The following IPO11 variants were observed in gnomAD, a reference collection of about 807,000 sequenced individuals.
IPO11 encodes importin 11, also known as importin-11.
A neutral mutation model predicts 143.2 loss-of-function variants in IPO11; 66 were observed. The ratio of observed to expected loss-of-function variants is 0.46; its 90% CI spans 0.38 to 0.57. IPO11 has a LOEUF of 0.57. Ranked by LOEUF, IPO11 falls within the 20% of genes least tolerant of loss-of-function variation. The probability of loss-of-function intolerance (pLI) is 0.00; values close to 1 mark genes in which losing one functional copy is unlikely to be tolerated. For synonymous variants in IPO11, 385 were observed against 377.8 expected (o/e 1.02, Z -0.22); for missense variants, 1,026 against 1,141.0 (o/e 0.90, Z 1.45).
At chr5:62,541,253 C>A (rs1006224121) in intron 24 of IPO11, among the ~76,000 whole-genome samples, 1 of 151,922 alleles carries the variant, frequency 6.6e-6, no homozygotes, top group Non-Finnish European at 1.5e-5. Flanking sequence ...TGCCTGTAAT[C>A]CCAGCTACTT....
intron 9 of IPO11, among the ~76,000 whole-genome samples, chr5:62,478,460 C>A (rs562761785): frequency 1.3e-5 from 2 of 152,220 alleles, no homozygotes; most frequent in Non-Finnish European, 2.9e-5. Context: ...AGCCACCACA[C>A]CTGGCCTGTT....
intron 15 of IPO11, among the ~76,000 whole-genome samples, chr5:62,490,804 G>A (rs535739889): frequency 6.6e-6 from 1 of 152,116 alleles, no homozygotes; most frequent in African/African-American, 2.4e-5. Flanking sequence ...CACCCAGCCT[G>A]GAGTGCAGTG....
intron 27 of IPO11, among the ~76,000 whole-genome samples, chr5:62,561,680 A>T (rs1743777646): frequency 6.6e-6 from 1 of 152,030 alleles, no homozygotes; most frequent in African/African-American, 2.4e-5. Context: ...TTTATTTTGG[A>T]TTATTTCTAA....
intron 29 of IPO11, among the ~76,000 whole-genome samples, chr5:62,615,751 A>G (rs1439930554): frequency 1.3e-5 from 2 of 152,238 alleles, no homozygotes; most frequent in African/African-American, 2.4e-5. Flanking sequence ...ACAGCATAGT[A>G]CAAAAAGTGG....
intron 16 of IPO11, among the ~76,000 whole-genome samples, chr5:62,502,278 T>C (rs1055370010): frequency 6.6e-6 from 1 of 152,204 alleles, no homozygotes; most frequent in Non-Finnish European, 1.5e-5. Context: ...AGACTCACAG[T>C]AGAAATGTGT....
chr5:62,474,938 AT>A (rs1745902996), intron 8 of IPO11, among the ~76,000 whole-genome samples: 1 of 152,136 alleles, frequency 6.6e-6, no homozygotes, highest in Admixed American at 6.5e-5. Context: ...TCAGCTTGAG[AT>A]TTATCTCCAT....
chr5:62,605,713 G>GTATTAT (rs139613779), intron 29 of IPO11, among the ~76,000 whole-genome samples: 21,945 of 146,646 alleles, frequency 0.15, 1,697 homozygotes, highest in Middle Eastern at 0.19. Flanking sequence ...AGCTAACAAA[G>GTATTAT]TATTATTATT....
Position 62,526,131 on chromosome 5 carries a change from A to G in IPO11, c.1897-11A>G, listed in dbSNP as rs769371064. The G allele has an allele frequency of 9.6e-6, 15 of 1,565,092 alleles. No homozygotes were observed. The highest frequency in any genetic ancestry group is 1.3e-5 in the Non-Finnish European group (15 of 1,136,170). ...GTGTCTTATTATAAGTTTTATTTAT[A>G]CTTCCCATAGGGATTAGGAGCAGAC... is the stretch of plus-strand genomic sequence containing the variant. On this transcript the variant is annotated splice_polypyrimidine_tract_variant and intron_variant, in intron 20 of 29. Coordinates refer to ENST00000325324, the MANE Select transcript of IPO11 (RefSeq NM_016338.5).
At position 62,485,416 on chromosome 5, in the gene IPO11, C is replaced by T; in HGVS notation, c.1175-3C>T. On this transcript the variant is annotated splice_polypyrimidine_tract_variant and splice_region_variant and intron_variant, in intron 11 of 29. Transcript: ENST00000325324. ...TGTCATTATTACATATTTTTAATTG[C>T]AGCAGTGGAAGAAACAGGAGGAGAT... 2 of 1,605,556 alleles carry T rather than the reference C, an allele frequency of 1.2e-6. No individual in the cohort carries two copies. The highest frequency in any genetic ancestry group is 1.7e-6 in the Non-Finnish European group (2 of 1,172,730).
chr5:62,435,164 A>G (rs868704150), intron 1 of IPO11, among the ~76,000 whole-genome samples: 1,062 of 98,386 alleles, frequency 0.011, 142 homozygotes, highest in African/African-American at 0.041. Flanking sequence ...ATATATATGT[A>G]TATATATGTA....
At chr5:62,515,776 G>A (rs900452732) in intron 20 of IPO11, among the ~76,000 whole-genome samples, 6 of 152,146 alleles carry the variant, frequency 3.9e-5, no homozygotes, top group African/African-American at 1.4e-4. Context: ...ATGGCACCAT[G>A]CATGCAGTTT....
chr5:62,516,762 A>G (rs1211736211), intron 20 of IPO11, among the ~76,000 whole-genome samples: 1 of 152,182 alleles, frequency 6.6e-6, no homozygotes, highest in Non-Finnish European at 1.5e-5. Context: ...TTAAGTGTAC[A>G]GTGTAGTGTA....
In IPO11 at chr5:62,483,207, C is replaced by A; in HGVS notation, c.935C>A (p.Thr312Lys). Residue 312 changes from threonine to lysine, a missense_variant, in exon 10 of 30, where the codon ACA (threonine) becomes AAA (lysine). Thr to Lys is a moderately conservative substitution (Grantham distance 78). Coordinates refer to ENST00000325324, the MANE Select transcript of IPO11 (RefSeq NM_016338.5). ...YVFTEVGEGV[T>K]FERFIVQCMN... Reference sequence around the variant, plus strand: ...TTTACAGAAGTTGGTGAAGGCGTTACATTTGAACGATTCATTGTCCAATGT... The same window carrying A: ...TTTACAGAAGTTGGTGAAGGCGTTAAATTTGAACGATTCATTGTCCAATGT... 2 of 1,610,802 alleles carry A rather than the reference C, an allele frequency of 1.2e-6. No individual in the cohort carries two copies. The highest frequency in any genetic ancestry group is 1.7e-6 in the Non-Finnish European group (2 of 1,177,778).
At chr5:62,525,983 A>G (rs1742358086) in intron 20 of IPO11, among the ~76,000 whole-genome samples, 159 bp from the exon 21 acceptor site, 2 of 152,226 alleles carry the variant, frequency 1.3e-5, no homozygotes, top group Admixed American at 1.3e-4. Context: ...CCAATTATAA[A>G]CAGAACTTTG....
chr5:62,439,231 T>TTG (rs1744358384), intron 2 of IPO11, among the ~76,000 whole-genome samples: 1 of 151,810 alleles, frequency 6.6e-6, no homozygotes, highest in Non-Finnish European at 1.5e-5. Context: ...TGCTTAACTG[T>TTG]TGTCTTTTTA....
At chr5:62,570,274 A>C (rs1580336120) in intron 27 of IPO11, among the ~76,000 whole-genome samples, 1 of 152,206 alleles carries the variant, frequency 6.6e-6, no homozygotes, top group East Asian at 1.9e-4. Context: ...TAAGCTTCTG[A>C]AAGTTCTTTG....
intron 27 of IPO11, among the ~76,000 whole-genome samples, chr5:62,566,779 T>G (rs1743954323): frequency 6.6e-6 from 1 of 151,584 alleles, no homozygotes; most frequent in Non-Finnish European, 1.5e-5. Context: ...TTCATAAAGA[T>G]ATGAGTGATA....
chr5:62,498,025 TTTTTTG>T (rs989763915), intron 16 of IPO11, among the ~76,000 whole-genome samples: 3 of 151,496 alleles, frequency 2.0e-5, no homozygotes, highest in East Asian at 1.9e-4. Context: ...ATTGTTTTTT[TTTTTTG>T]TTGTTGTTGT....
At chr5:62,481,631 G>A (rs967126871) in intron 9 of IPO11, among the ~76,000 whole-genome samples, 3 of 152,184 alleles carry the variant, frequency 2.0e-5, no homozygotes, top group African/African-American at 2.4e-5. Flanking sequence ...TGGCAGATAA[G>A]CTTTTTGATG....
Sources: gnomAD v4.1 joint callset for allele counts (sites outside exome capture counted in the v4.1 genomes callset) on GRCh38, gnomAD v4.1.1 for gene constraint, MANE v1.5 for transcripts, NCBI Gene and HGNC (gene_info 2026-07-23, HGNC 2026-07-21) for gene names.